Variants in NRXN3 observed in about 807,000 individuals in gnomAD.
NRXN3 encodes neurexin 3, also known as neurexin III.
NRXN3 carries 32 observed loss-of-function variants against 137.6 expected under a neutral mutation model. That is an observed-to-expected ratio of 0.23 (90% CI 0.18 to 0.31). The LOEUF (loss-of-function observed/expected upper bound fraction) is 0.31. NRXN3 is among the 10% of genes least tolerant of loss of function. The probability of loss-of-function intolerance (pLI) is 1.00; values close to 1 mark genes in which losing one functional copy is unlikely to be tolerated. For synonymous variants in NRXN3, 798 were observed against 784.5 expected (o/e 1.02, Z -0.29); for missense variants, 1,574 against 2,062.5 (o/e 0.76, Z 4.59).
intron 1 of NRXN3, among the ~76,000 whole-genome samples, chr14:78,239,612 C>T (rs1454479228): frequency 6.6e-6 from 1 of 152,238 alleles, no homozygotes; most frequent in Non-Finnish European, 1.5e-5. Context: ...GCTCCAGCCT[C>T]AGTTCTTTTA....
At chr14:78,307,717 G>C (rs1224960658) in intron 4 of NRXN3, among the ~76,000 whole-genome samples, 2 of 152,130 alleles carry the variant, frequency 1.3e-5, no homozygotes, top group African/African-American at 2.4e-5. Context: ...ATGGATGTCT[G>C]ATTGTAAAAG....
chr14:79,403,406 G>A (rs2095250111), intron 15 of NRXN3, among the ~76,000 whole-genome samples: 2 of 152,090 alleles, frequency 1.3e-5, no homozygotes, highest in South Asian at 4.1e-4. Flanking sequence ...GCTCAGTAGG[G>A]GGAAGGAAAA....
intron 4 of NRXN3, among the ~76,000 whole-genome samples, chr14:78,639,761 A>T (rs1427023074): frequency 2.0e-5 from 3 of 152,126 alleles, no homozygotes; most frequent in Non-Finnish European, 4.4e-5. Flanking sequence ...ATGGAATGAA[A>T]ATCATAGCGT....
chr14:79,041,769 C>A (rs1008998033), intron 15 of NRXN3, among the ~76,000 whole-genome samples: 1 of 152,088 alleles, frequency 6.6e-6, no homozygotes, highest in Admixed American at 6.6e-5. Context: ...ATCAACTTCA[C>A]AATGCAAAGG....
At chr14:78,607,411 A>C (rs528056970) in intron 4 of NRXN3, among the ~76,000 whole-genome samples, 50 of 152,262 alleles carry the variant, frequency 3.3e-4, no homozygotes, top group African/African-American at 1.2e-3. Context: ...CTGTCTCTTT[A>C]GGCAAACCCA....
chr14:79,739,202 A>G (rs1303814988), intron 19 of NRXN3, among the ~76,000 whole-genome samples: 1 of 152,224 alleles, frequency 6.6e-6, no homozygotes, highest in Non-Finnish European at 1.5e-5. Context: ...TGACAAAGAG[A>G]CAGAATAGAA....
rs564600094 is a variant in NRXN3, at chr14:79,638,329, AGTTT to A, written c.3445-25447_3445-25444del. On this transcript the variant is annotated intron_variant, in intron 16 of 20. Transcript: ENST00000335750. ...CTAGGATTTATGAAATCTAGGTTTA[AGTTT>A]GAGTTCTTTTTCTACTTATGTGATC... is the stretch of plus-strand genomic sequence containing the variant. 8.9e-3 allele frequency among the ~76,000 whole-genome samples: 1,361 copies of A among 152,274 alleles called. 18 individuals carry two copies. Among genetic ancestry groups the A allele is most frequent in the African/African-American group, 0.031 (1,301 of 41,552 alleles).
chr14:78,987,490 A>G (rs1456053138), intron 14 of NRXN3, among the ~76,000 whole-genome samples: 3 of 151,400 alleles, frequency 2.0e-5, no homozygotes, highest in Non-Finnish European at 4.4e-5. Flanking sequence ...CCCCTAAAAA[A>G]CATCAATACA....
At chr14:79,292,979 A>T (rs2153462311) in intron 15 of NRXN3, among the ~76,000 whole-genome samples, 1 of 152,212 alleles carries the variant, frequency 6.6e-6, no homozygotes, top group African/African-American at 2.4e-5. Flanking sequence ...ATCTCAGGAG[A>T]GGATAGCTTT....
Position 78,440,302 on chromosome 14 carries a change from C to G in NRXN3, c.757+142442C>G, listed in dbSNP as rs2094202230. ...TGCCCACCCCTGGCACATGAGTCAC[C>G]CACAGTCCCAGCACAATCCTGCCCT... is the stretch of plus-strand genomic sequence containing the variant. On this transcript the variant is annotated intron_variant, in intron 4 of 20. Transcript: ENST00000335750. Among the ~76,000 whole-genome samples, 3 of 152,266 alleles carry G rather than the reference C, an allele frequency of 2.0e-5. No homozygotes were observed. In the South Asian group the frequency reaches 6.2e-4, roughly 32 times the overall value.
intron 4 of NRXN3, among the ~76,000 whole-genome samples, chr14:78,396,408 C>G (rs1459597864): frequency 6.6e-6 from 1 of 152,088 alleles, no homozygotes; most frequent in Non-Finnish European, 1.5e-5. Context: ...TCTATTTGTC[C>G]ACATTTTTGC....
intron 15 of NRXN3, among the ~76,000 whole-genome samples, chr14:79,446,131 C>T (rs768744859): frequency 2.0e-5 from 3 of 151,994 alleles, no homozygotes; most frequent in South Asian, 2.1e-4. Context: ...GAATAAGAAC[C>T]GTGAAGAAAA....
At position 78,968,265 on chromosome 14, in the gene NRXN3, T is replaced by A. The variant is rs769904323; in HGVS notation, c.3061T>A (p.Ser1021Thr). The A allele has an allele frequency of 6.2e-7, 1 of 1,614,100 alleles. No homozygotes were observed. Among genetic ancestry groups the A allele is most frequent in the South Asian group, 1.1e-5 (1 of 91,086 alleles). The change falls in exon 14 of 21, where the codon TCA becomes ACA. Residue 1021 changes from serine to threonine, a missense_variant. By Grantham distance (58) the Ser-to-Thr change is moderately conservative. Coordinates refer to ENST00000335750, the MANE Select transcript of NRXN3 (RefSeq NM_001330195.2). Reference sequence around the variant, plus strand: ...AGATGGCTTTCAGGGCTGTCTAGCATCAGTGGACTTGAATGGACGCCTGCC... The same window carrying A: ...AGATGGCTTTCAGGGCTGTCTAGCAACAGTGGACTTGAATGGACGCCTGCC... ...SRDGFQGCLA[S>T]VDLNGRLPDL...
At chr14:78,231,166 G>T (rs1353167664) in intron 1 of NRXN3, 3 of 152,182 alleles carry the variant, frequency 2.0e-5, no homozygotes, top group Non-Finnish European at 1.5e-5. Context: ...CATAAACTCT[G>T]GAGCTAGACC....
intron 1 of NRXN3, among the ~76,000 whole-genome samples, chr14:78,174,939 G>A (rs1275223189): frequency 1.3e-5 from 2 of 152,192 alleles, no homozygotes; most frequent in East Asian, 1.9e-4. Flanking sequence ...CCTTGACAGA[G>A]CCTGGGGCTG....
chr14:79,034,457 A>T (rs1234014888), intron 15 of NRXN3, among the ~76,000 whole-genome samples: 1 of 152,034 alleles, frequency 6.6e-6, no homozygotes, highest in African/African-American at 2.4e-5. Flanking sequence ...TGTGAGAAGA[A>T]CAATTTTGGG....
intron 16 of NRXN3, among the ~76,000 whole-genome samples, chr14:79,469,639 C>T (rs1002204278): frequency 5.9e-5 from 9 of 152,102 alleles, no homozygotes; most frequent in African/African-American, 1.9e-4. Flanking sequence ...ATTGCTTAAA[C>T]GTTCTGTGAA....
At chr14:78,520,808 G>A (rs1170348569) in intron 4 of NRXN3, among the ~76,000 whole-genome samples, 1 of 152,156 alleles carries the variant, frequency 6.6e-6, no homozygotes, top group Non-Finnish European at 1.5e-5. Context: ...CCCTCATGAT[G>A]GGAAGAGACA....
intron 19 of NRXN3, among the ~76,000 whole-genome samples, chr14:79,728,925 GT>G (rs2098909697): frequency 6.6e-6 from 1 of 152,164 alleles, no homozygotes; most frequent in Admixed American, 6.6e-5. Context: ...GTTCTGTGAA[GT>G]TTTGATTGAA....
Sources: allele counts gnomAD v4.1 joint callset (sites outside exome capture counted in the v4.1 genomes callset), GRCh38; gene constraint gnomAD v4.1.1; transcripts MANE v1.5; gene names NCBI Gene and HGNC (gene_info 2026-07-23, HGNC 2026-07-21).